LTBP1: variants seen among roughly 807,000 people sequenced by gnomAD.
The protein encoded by LTBP1 is latent transforming growth factor beta binding protein 1, also known as latent-transforming growth factor beta-binding protein 1.
In LTBP1, 129 loss-of-function variants were observed where a neutral mutation model predicts 207.6. The observed-to-expected ratio is 0.62, with a 90% CI of 0.54 to 0.72. LTBP1 has a LOEUF of 0.72. Ranked by LOEUF, LTBP1 falls within the 30% of genes least tolerant of loss-of-function variation. The pLI, the probability that LTBP1 is intolerant of heterozygous loss-of-function variation, is 0.00. For missense variants in LTBP1, 2,281 were observed against 2,217.2 expected (o/e 1.03, Z -0.58); for synonymous variants, 963 against 833.7 (o/e 1.16, Z -2.67).
intron 7 of LTBP1, among the ~76,000 whole-genome samples, chr2:33,208,160 A>G (rs1468162067): frequency 6.6e-6 from 1 of 152,218 alleles, no homozygotes; most frequent in East Asian, 1.9e-4. Flanking sequence ...TTGTGCCAGA[A>G]TGTTAGAGTA....
chr2:33,116,571 A>C (rs2080758354), intron 4 of LTBP1, among the ~76,000 whole-genome samples: 2 of 151,584 alleles, frequency 1.3e-5, no homozygotes, highest in African/African-American at 4.9e-5. Context: ...ATTGCAAAAA[A>C]AGAAAAGTAA....
At chr2:33,261,131 A>G (rs2092997888) in intron 13 of LTBP1, among the ~76,000 whole-genome samples, 1 of 152,222 alleles carries the variant, frequency 6.6e-6, no homozygotes. Context: ...GAAGGCTTAG[A>G]GTACCAAACT....
intron 5 of LTBP1, among the ~76,000 whole-genome samples, chr2:33,177,275 A>G (rs1437768157): frequency 6.6e-6 from 1 of 152,234 alleles, no homozygotes; most frequent in African/African-American, 2.4e-5. Context: ...TGTTAACTGA[A>G]TGCATGAGAA....
At chr2:33,112,587 A>G (rs1343021160) in intron 4 of LTBP1, among the ~76,000 whole-genome samples, 2 of 152,338 alleles carry the variant, frequency 1.3e-5, no homozygotes, top group East Asian at 3.9e-4. Flanking sequence ...TGTAGGAAAG[A>G]CAAGAAGGGA....
intron 5 of LTBP1, among the ~76,000 whole-genome samples, chr2:33,182,254 CAG>C (rs1326895956): frequency 6.6e-6 from 1 of 151,990 alleles, no homozygotes; most frequent in Non-Finnish European, 1.5e-5. Context: ...GAGGTTATCT[CAG>C]GGGGTTAGAG....
chr2:33,301,296 A>AC (rs1285838978), intron 21 of LTBP1, among the ~76,000 whole-genome samples: 1 of 152,196 alleles, frequency 6.6e-6, no homozygotes, highest in Non-Finnish European at 1.5e-5. Flanking sequence ...CACACTGTAT[A>AC]AGGCCATTGT....
intron 2 of LTBP1, among the ~76,000 whole-genome samples, chr2:33,008,350 A>G (rs1475376872): frequency 6.6e-6 from 1 of 152,242 alleles, no homozygotes; most frequent in African/African-American, 2.4e-5. Context: ...GATTGTAGAA[A>G]TTACAGCCCT....
At chr2:33,356,915 G>C (rs1288153047) in intron 26 of LTBP1, among the ~76,000 whole-genome samples, 2 of 152,164 alleles carry the variant, frequency 1.3e-5, no homozygotes, top group African/African-American at 4.8e-5. Context: ...ACTATAGGCA[G>C]CGTTTCTTTG....
chr2:33,281,147 A>G (rs2093552707), intron 19 of LTBP1, among the ~76,000 whole-genome samples: 1 of 152,136 alleles, frequency 6.6e-6, no homozygotes, highest in Admixed American at 6.6e-5. Flanking sequence ...GAGAGGAAAA[A>G]CTGATATGAC....
chr2:33,331,768 T>C (rs2094496715), intron 24 of LTBP1, among the ~76,000 whole-genome samples: 1 of 152,144 alleles, frequency 6.6e-6, no homozygotes, highest in Admixed American at 6.5e-5. Context: ...ACTATATAAA[T>C]GACTGAGGAG....
At chr2:33,171,457 A>G (rs965519797) in intron 5 of LTBP1, among the ~76,000 whole-genome samples, 4 of 149,902 alleles carry the variant, frequency 2.7e-5, no homozygotes, top group Non-Finnish European at 5.9e-5. Flanking sequence ...AAGTTTAGAG[A>G]AAAAGAATAA....
intron 26 of LTBP1, among the ~76,000 whole-genome samples, chr2:33,353,196 CT>C (rs2094806777): frequency 6.6e-6 from 1 of 152,078 alleles, no homozygotes; most frequent in Non-Finnish European, 1.5e-5. Context: ...CCAGCCTGGT[CT>C]TGAACTACTG....
chr2:33,336,754 A>G (rs13399607), intron 24 of LTBP1, among the ~76,000 whole-genome samples: 56,886 of 152,018 alleles, frequency 0.37, 11,232 homozygotes, highest in Non-Finnish European at 0.43. Context: ...GAAGTCAACA[A>G]AATAAGAGAA....
chr2:33,385,268 T>C (rs2095255994), intron 31 of LTBP1, among the ~76,000 whole-genome samples: 1 of 152,232 alleles, frequency 6.6e-6, no homozygotes, highest in East Asian at 1.9e-4. Context: ...CAAATAGTCT[T>C]GAAACAAGAT....
intron 5 of LTBP1, among the ~76,000 whole-genome samples, chr2:33,171,764 C>T (rs1275493609): frequency 5.9e-5 from 9 of 152,038 alleles, no homozygotes; most frequent in Non-Finnish European, 1.3e-4. Context: ...AGAGAAAGGT[C>T]GGGTTACCCA....
At chr2:33,303,912 A>G (rs1325451348) in intron 22 of LTBP1, among the ~76,000 whole-genome samples, 1 of 152,154 alleles carries the variant, frequency 6.6e-6, no homozygotes, top group Non-Finnish European at 1.5e-5. Context: ...GACCATCAGC[A>G]TCTCCTCTGT....
At chr2:33,283,133 C>G (rs1168166760) in intron 19 of LTBP1, among the ~76,000 whole-genome samples, 4 of 149,882 alleles carry the variant, frequency 2.7e-5, no homozygotes, top group Non-Finnish European at 5.9e-5. Context: ...TAGTTATACT[C>G]TAGTGCTTAC....
At chr2:33,394,328 T>C (rs908770626) in intron 32 of LTBP1, among the ~76,000 whole-genome samples, 12 of 152,258 alleles carry the variant, frequency 7.9e-5, no homozygotes, top group African/African-American at 2.4e-4. Context: ...TTTTGGTTTT[T>C]GTTGCCATTG....
intron 2 of LTBP1, among the ~76,000 whole-genome samples, chr2:32,982,706 C>T (rs187787280): frequency 2.5e-4 from 38 of 152,296 alleles, no homozygotes; most frequent in African/African-American, 7.9e-4. Context: ...AGATACAGCT[C>T]GGGCCGTGGC....
Sources: allele counts gnomAD v4.1 joint callset (sites outside exome capture counted in the v4.1 genomes callset), GRCh38; gene constraint gnomAD v4.1.1; transcripts MANE v1.5; gene names NCBI Gene and HGNC (gene_info 2026-07-23, HGNC 2026-07-21).